Variants in GABRG2 observed in about 807,000 individuals in gnomAD.
GABRG2 encodes gamma-aminobutyric acid receptor subunit gamma-2.
Under a neutral mutation model 56.4 loss-of-function variants are expected in GABRG2, and 16 were observed. The observed-to-expected ratio is 0.28, with a 90% CI of 0.19 to 0.43. GABRG2 has a LOEUF of 0.43. Ranked by LOEUF, GABRG2 falls within the 20% of genes least tolerant of loss-of-function variation. GABRG2 has a pLI of 1.00. For synonymous variants in GABRG2, 208 were observed against 205.5 expected (o/e 1.01, Z -0.10); for missense variants, 327 against 582.7 (o/e 0.56, Z 4.52).
At chr5:162,082,573 G>A (rs894097466) in intron 1 of GABRG2, among the ~76,000 whole-genome samples, 12 of 151,568 alleles carry the variant, frequency 7.9e-5, no homozygotes, top group African/African-American at 2.9e-4. Context: ...GAACTAATTT[G>A]TTCACTCTCA....
intron 6 of GABRG2, among the ~76,000 whole-genome samples, chr5:162,111,155 T>C (rs1762225202): frequency 6.6e-6 from 1 of 152,154 alleles, no homozygotes; most frequent in Non-Finnish European, 1.5e-5. Flanking sequence ...TGATCAAGTT[T>C]TCAATAAAAT....
intron 1 of GABRG2, among the ~76,000 whole-genome samples, chr5:162,086,233 C>CAATTA (rs1760098777): frequency 2.6e-5 from 4 of 151,960 alleles, no homozygotes; most frequent in Non-Finnish European, 5.9e-5. Flanking sequence ...GAGAGTGAGC[C>CAATTA]ACTTACTAAG....
chr5:162,130,739 G>A (rs924487737), intron 6 of GABRG2, among the ~76,000 whole-genome samples: 1 of 151,940 alleles, frequency 6.6e-6, no homozygotes, highest in African/African-American at 2.4e-5. Context: ...ACCTTGGTTT[G>A]TAGGATTCGT....
rs201128638 is a variant in GABRG2, at chr5:162,151,705, C to A, written c.1129-25C>A. 45 of 1,581,386 alleles carry A rather than the reference C, an allele frequency of 2.8e-5. No individual in the cohort carries two copies. The African/African-American group carries it at 5.6e-4, about 20-fold the overall frequency. On this transcript the variant is annotated intron_variant, in intron 8 of 9. Coordinates refer to ENST00000639213, the MANE Select transcript of GABRG2 (RefSeq NM_198904.4). ...CTTTTTATTAAAAACAAATGCAATT[C>A]TCTTTTCTGTCTACAAACCCAAAGC...
intron 1 of GABRG2, among the ~76,000 whole-genome samples, chr5:162,085,141 C>T (rs539272568): frequency 2.6e-5 from 4 of 151,798 alleles, no homozygotes; most frequent in South Asian, 4.2e-4. Flanking sequence ...CATTGTTGTA[C>T]GATATTTCAT....
At chr5:162,068,171 T>A in intron 1 of GABRG2, 65 bp downstream of exon 1, 1 of 1,089,212 alleles carries the variant, frequency 9.2e-7, no homozygotes, top group Non-Finnish European at 1.4e-6. Context: ...TGGGGAGGGG[T>A]AACTCGGGAG....
intron 1 of GABRG2, among the ~76,000 whole-genome samples, chr5:162,078,083 C>T (rs1357586013): frequency 6.6e-6 from 1 of 152,002 alleles, no homozygotes; most frequent in Non-Finnish European, 1.5e-5. Flanking sequence ...CTACATGAAG[C>T]TGATTCCTAC....
chr5:162,092,125 G>A (rs1760649422), intron 1 of GABRG2, among the ~76,000 whole-genome samples: 1 of 152,116 alleles, frequency 6.6e-6, no homozygotes, highest in Non-Finnish European at 1.5e-5. Context: ...CTATTAGGCA[G>A]AGTTTAGCAG....
Position 162,075,850 on chromosome 5 carries a change from G to A in GABRG2, c.107+7744G>A, listed in dbSNP as rs148897186. On this transcript the variant is annotated intron_variant, in intron 1 of 9. Transcript: ENST00000639213. ...TTCAGACACACTTGATCAGGGTTCA[G>A]TTTGATGACCCTCAGTCAACCAGTT... 2.6e-5 allele frequency among the ~76,000 whole-genome samples: 4 copies of A among 152,214 alleles called. No homozygotes were observed. In the East Asian group the frequency reaches 7.7e-4, roughly 29 times the overall value.
At chr5:162,115,253 A>T (rs1039096246) in intron 6 of GABRG2, among the ~76,000 whole-genome samples, 2 of 152,156 alleles carry the variant, frequency 1.3e-5, no homozygotes, top group African/African-American at 4.8e-5. Context: ...TAAAAATCAG[A>T]CTAGACTGAT....
rs770884037 is a variant in GABRG2 at position 162,142,249 on chromosome 5, C to T, written c.855C>T (p.Leu285=). ...TCCAGACCTATATCCCCTGCACACT[C>T]ATTGTCGTCCTATCCTGGGTGTCTT... ...FTIQTYIPCT[L]IVVLSWVSFW... The change falls in exon 7 of 10, where the codon CTC becomes CTT. Residue 285 remains leucine, a synonymous_variant. Coordinates refer to ENST00000639213, the MANE Select transcript of GABRG2 (RefSeq NM_198904.4). The T allele has an allele frequency of 6.2e-7, 1 of 1,614,098 alleles. No homozygotes were observed.
intron 6 of GABRG2, among the ~76,000 whole-genome samples, chr5:162,127,151 G>A (rs1003410613): frequency 3.3e-5 from 5 of 151,878 alleles, no homozygotes; most frequent in African/African-American, 9.7e-5. Context: ...CAGGATTGCC[G>A]GAAGCTCATA....
chr5:162,115,864 G>A (rs186981661), intron 6 of GABRG2, among the ~76,000 whole-genome samples: 1 of 152,078 alleles, frequency 6.6e-6, no homozygotes, highest in East Asian at 1.9e-4. Flanking sequence ...TGATAATAAT[G>A]ACAATATGTG....
chr5:162,121,700 C>A (rs1298740518), intron 6 of GABRG2, among the ~76,000 whole-genome samples: 1 of 151,966 alleles, frequency 6.6e-6, no homozygotes, highest in Admixed American at 6.6e-5. Context: ...TAGCTTAGTG[C>A]CTGGCACATA....
intron 1 of GABRG2, among the ~76,000 whole-genome samples, chr5:162,090,232 A>G (rs1029280764): frequency 6.6e-6 from 1 of 152,186 alleles, no homozygotes; most frequent in Middle Eastern, 3.4e-3. Flanking sequence ...TTTATTTAAA[A>G]AAAACCCATC....
chr5:162,116,521 A>G (rs993443970), intron 6 of GABRG2, among the ~76,000 whole-genome samples: 1 of 151,894 alleles, frequency 6.6e-6, no homozygotes, highest in East Asian at 1.9e-4. Context: ...TTTGACTCAC[A>G]TTCTACTGAC....
At chr5:162,091,847 C>A (rs866780267) in intron 1 of GABRG2, among the ~76,000 whole-genome samples, 6 of 151,930 alleles carry the variant, frequency 3.9e-5, no homozygotes, top group South Asian at 2.1e-4. Context: ...ACAAACTAAG[C>A]AATTTAGTAC....
chr5:162,153,113 C>A lies in GABRG2; in HGVS notation c.1173C>A (p.Arg391=), dbSNP rs761755629. The part of the protein sequence containing the change: ...FSFKAPTIDI[R]PRSATIQMNN... ...CCCAGGCCCCTACCATTGATATCCG[C>A]CCAAGATCAGCAACCATTCAAATGA... The change falls in exon 10 of 10, where the codon CGC becomes CGA. Residue 391 remains arginine (R), a synonymous_variant. Coordinates refer to ENST00000639213, the MANE Select transcript of GABRG2 (RefSeq NM_198904.4). The A allele has an allele frequency of 1.2e-6, 2 of 1,613,984 alleles. No individual in the cohort carries two copies. The highest frequency in any genetic ancestry group is 1.7e-6 in the Non-Finnish European group (2 of 1,179,948).
rs191876375 is a variant in GABRG2 at position 162,127,118 on chromosome 5, G to A, written c.770-15046G>A. On this transcript the variant is annotated intron_variant, in intron 6 of 9. Transcript: ENST00000639213. ...TAATAAAAGTCTTAAGTACAGACACGTAAGTAATGGAGATTAAGATAGCAG... is the reference window on the plus strand; with the variant it reads ...TAATAAAAGTCTTAAGTACAGACACATAAGTAATGGAGATTAAGATAGCAG... 7.9e-5 allele frequency among the ~76,000 whole-genome samples: 12 copies of A among 152,058 alleles called. No individual in the cohort carries two copies. In the South Asian group the frequency reaches 1.0e-3, roughly 13 times the overall value.
Sources: gnomAD v4.1 joint callset for allele counts (sites outside exome capture counted in the v4.1 genomes callset) on GRCh38, gnomAD v4.1.1 for gene constraint, MANE v1.5 for transcripts, NCBI Gene and HGNC (gene_info 2026-07-23, HGNC 2026-07-21) for gene names.